The following ZNF735 variants were observed in gnomAD, a reference collection of about 807,000 sequenced individuals.
ZNF735 encodes zinc finger protein 735, also known as putative zinc finger protein 735.
In ZNF735, 11 loss-of-function variants were observed where a neutral mutation model predicts 13.4. The ratio of observed to expected loss-of-function variants is 0.82; its 90% confidence interval spans 0.52 to 1.36. The LOEUF is 1.36. Ranked by LOEUF, ZNF735 falls within the 40% of genes most tolerant of loss-of-function variation. The probability of loss-of-function intolerance (pLI) is 0.00; values close to 1 mark genes in which losing one functional copy is unlikely to be tolerated. For synonymous variants in ZNF735, 171 were observed against 162.6 expected, an observed-to-expected ratio of 1.05 and a Z score of -0.39; for missense variants, 500 against 484.6, an observed-to-expected ratio of 1.03 and a Z score of -0.30.
intron 3 of ZNF735, among the ~76,000 whole-genome samples, chr7:64,214,354 T>C (rs1787395012): frequency 6.6e-6 from 1 of 152,202 alleles, no homozygotes; most frequent in South Asian, 2.1e-4. Flanking sequence ...AGGTTCACAG[T>C]GTGAGCCAAA....
exon 4 of ZNF735, chr7:64,220,150 A>C: frequency 6.2e-7 from 1 of 1,613,426 alleles, no homozygotes; most frequent in Non-Finnish European, 8.5e-7. Context: ...CTGCTCCTCA[A>C]CTGTAAAGGC....
intron 1 of ZNF735, among the ~76,000 whole-genome samples, chr7:64,212,792 AAAAAAAAAAAAAG>A (rs984305368): frequency 1.3e-5 from 1 of 74,358 alleles, no homozygotes; most frequent in Non-Finnish European, 2.9e-5. Flanking sequence ...CTTGGTAAAG[AAAAAAAAAAAAAG>A]AAAAGAAAAA....
chr7:64,213,131 C>G, exon 2 of ZNF735: 1 of 1,612,404 alleles, frequency 6.2e-7, no homozygotes, highest in Non-Finnish European at 8.5e-7. Context: ...AGAATTCTCT[C>G]TGGCGGAGTG....
chr7:64,207,841 G>A (rs1343028294), intron 1 of ZNF735, among the ~76,000 whole-genome samples: 1 of 152,102 alleles, frequency 6.6e-6, no homozygotes, highest in Non-Finnish European at 1.5e-5. Context: ...ACAAAAATTA[G>A]CTGGGTGTGG....
chr7:64,210,141 C>G (rs544480596), intron 1 of ZNF735, among the ~76,000 whole-genome samples: 2 of 152,174 alleles, frequency 1.3e-5, no homozygotes, highest in Non-Finnish European at 2.9e-5. Flanking sequence ...GTGTTATTCC[C>G]AGCACAGTGT....
At chr7:64,212,872 A>G (rs80153988) in intron 1 of ZNF735, among the ~76,000 whole-genome samples, 5,911 of 152,200 alleles carry the variant, frequency 0.039, 183 homozygotes, top group East Asian at 0.16. Flanking sequence ...CCAGAAAATT[A>G]TCAAAGCTAC....
intron 3 of ZNF735, 83 bp from the exon 4 acceptor site, chr7:64,219,231 G>C: frequency 2.6e-6 from 4 of 1,510,422 alleles, no homozygotes; most frequent in Non-Finnish European, 3.5e-6. Flanking sequence ...AATGTACCTT[G>C]AACAATTTTA....
intron 3 of ZNF735, among the ~76,000 whole-genome samples, chr7:64,216,932 T>C (rs1787428700): frequency 6.6e-6 from 1 of 152,186 alleles, no homozygotes; most frequent in Non-Finnish European, 1.5e-5. Flanking sequence ...CTAAGACTTA[T>C]GTGTTCTAAC....
At chr7:64,211,891 ATATAT>A (rs374495364) in intron 1 of ZNF735, among the ~76,000 whole-genome samples, 4,813 of 99,234 alleles carry the variant, frequency 0.049, 129 homozygotes, top group East Asian at 0.2. Context: ...AAGAAAAAAA[ATATAT>A]ATATATATAT....
Position 64,219,877 on chromosome 7 carries a change from C to T in ZNF735, c.826C>T (p.Gln276Ter). ...ACCCTACGCATGTGAAGAATGTGGC[C>T]AAGCCTTTAGGCGCTCCTCAACACT... The change falls in exon 4 of 4, where the codon CAA becomes TAA. Residue 276 changes from glutamine (Q) to a stop codon, truncating the protein, a stop_gained. Transcript: ENST00000429565. LOFTEE classifies it low-confidence loss of function (END_TRUNC). 1.3e-6 allele frequency: 2 copies of T among 1,599,824 alleles called. No individual in the cohort carries two copies. Among genetic ancestry groups the T allele is most frequent in the Middle Eastern group, 1.7e-4 (1 of 5,942 alleles).
chr7:64,207,708 G>A (rs549471605), intron 1 of ZNF735, among the ~76,000 whole-genome samples: 224 of 152,246 alleles, frequency 1.5e-3, no homozygotes, highest in Admixed American at 3.0e-3. Flanking sequence ...CATAGAGCGG[G>A]CCAGGCGCGG....
At chr7:64,210,713 T>A (rs1024430179) in intron 1 of ZNF735, among the ~76,000 whole-genome samples, 16 of 151,954 alleles carry the variant, frequency 1.1e-4, no homozygotes, top group African/African-American at 3.9e-4. Context: ...AAAAAGAAAC[T>A]TATATTTTAT....
exon 1 of ZNF735, chr7:64,207,216 C>T: frequency 1.2e-6 from 2 of 1,614,124 alleles, no homozygotes; most frequent in Non-Finnish European, 8.5e-7. Context: ...GCTAAAAGAC[C>T]GGGACCCCCT....
intron 1 of ZNF735, among the ~76,000 whole-genome samples, chr7:64,208,382 G>T (rs573161400): frequency 6.8e-6 from 1 of 145,996 alleles, no homozygotes; most frequent in Non-Finnish European, 1.5e-5. Context: ...TCAGCCTCCC[G>T]AGTAGCTGGA....
intron 1 of ZNF735, among the ~76,000 whole-genome samples, chr7:64,208,713 G>A (rs552904319): frequency 2.8e-4 from 42 of 152,026 alleles, no homozygotes; most frequent in African/African-American, 9.6e-4. Context: ...GATTTTCTTC[G>A]TCTTCTGACC....
rs775424525 is a variant in ZNF735, at chr7:64,219,560, C to A, written c.509C>A (p.Ser170Ter). 6.3e-7 allele frequency: 1 copy of A among 1,586,384 alleles called. No homozygotes were observed. The highest frequency in any genetic ancestry group is 2.3e-5 in the East Asian group (1 of 43,962). The stretch of plus-strand genomic sequence containing the variant: ...TGTGTCAAAGTCTTCAGTAAATTTT[C>A]AAATTCCAATAGACACAATGCAAGA... Residue 170 changes from serine to a stop codon, truncating the protein, a stop_gained, in exon 4 of 4, where the codon TCA becomes TAA. Coordinates refer to ENST00000429565, the Ensembl canonical transcript of ZNF735. LOFTEE classifies it low-confidence loss of function (END_TRUNC).
intron 1 of ZNF735, among the ~76,000 whole-genome samples, chr7:64,210,048 G>T (rs1454747323): frequency 6.6e-6 from 1 of 152,048 alleles, no homozygotes; most frequent in African/African-American, 2.4e-5. Context: ...AAATAAAAAT[G>T]CTGTGCTCTT....
intron 1 of ZNF735, among the ~76,000 whole-genome samples, chr7:64,210,993 G>A (rs558610718): frequency 1.5e-3 from 236 of 152,292 alleles, no homozygotes; most frequent in African/African-American, 4.7e-3. Context: ...CAGATCAAGA[G>A]CAGTGTCCAC....
At chr7:64,210,603 C>T (rs1787345411) in intron 1 of ZNF735, among the ~76,000 whole-genome samples, 1 of 152,168 alleles carries the variant, frequency 6.6e-6, no homozygotes, top group African/African-American at 2.4e-5. Context: ...AGGAAGGCTG[C>T]ACTGCCTGCC....
Sources: allele counts gnomAD v4.1 joint callset (sites outside exome capture counted in the v4.1 genomes callset), GRCh38; gene constraint gnomAD v4.1.1; transcripts MANE v1.5; gene names NCBI Gene and HGNC (gene_info 2026-07-23, HGNC 2026-07-21).